Variants in FAM169A observed in about 807,000 individuals in gnomAD.
The protein encoded by FAM169A is family with sequence similarity 169 member A.
Under a neutral mutation model 75.7 loss-of-function variants are expected in FAM169A, and 24 were observed. That is an observed-to-expected ratio of 0.32 (90% confidence interval 0.23 to 0.45). FAM169A has a LOEUF of 0.45. FAM169A is among the 20% of genes least tolerant of loss of function. The pLI is 1.00. For missense variants in FAM169A, 673 were observed against 784.0 expected (o/e 0.86, Z 1.69); for synonymous variants, 271 against 271.0 (o/e 1.00, Z 0.00).
Position 74,800,967 on chromosome 5 carries a change from C to T in FAM169A, c.1016G>A (p.Gly339Glu), listed in dbSNP as rs1746541188. The T allele has an allele frequency of 6.4e-7, 1 of 1,561,686 alleles. No homozygotes were observed. Among genetic ancestry groups the T allele is most frequent in the Middle Eastern group, 1.7e-4 (1 of 5,908 alleles). ...AAATTCAGAATCCTGAAACCGCTTT[C>T]CAATCTTTGGCCGCTTTAGATTACC... ...RSGNLKRPKI[G>E]KRFQDSEFSS... is the part of the protein sequence containing the mutation. The change falls in exon 10 of 13, where the codon GGA becomes GAA. Residue 339 changes from glycine to glutamate, a missense_variant. Transcript: ENST00000687041.
chr5:74,846,180 C>T (rs912912077), intron 1 of FAM169A, among the ~76,000 whole-genome samples: 1 of 152,150 alleles, frequency 6.6e-6, no homozygotes, highest in Non-Finnish European at 1.5e-5. Flanking sequence ...CTAGATGAGG[C>T]TCAAGGATTA....
intron 1 of FAM169A, among the ~76,000 whole-genome samples, chr5:74,857,571 GGAA>G (rs1749779551): frequency 1.1e-4 from 7 of 65,744 alleles, no homozygotes; most frequent in African/African-American, 4.4e-4. Context: ...CCTTGCCGCG[GGAA>G]AAAAAAAAAA....
At chr5:74,811,416 G>A (rs1359598464) in intron 6 of FAM169A, among the ~76,000 whole-genome samples, 2 of 152,116 alleles carry the variant, frequency 1.3e-5, no homozygotes, top group African/African-American at 2.4e-5. Context: ...GTAATTAGGG[G>A]GTAATGCATT....
At chr5:74,818,701 T>C (rs1046889920) in intron 5 of FAM169A, among the ~76,000 whole-genome samples, 3 of 150,488 alleles carry the variant, frequency 2.0e-5, no homozygotes, top group Non-Finnish European at 4.4e-5. Flanking sequence ...GAGAGAGGAA[T>C]AGATTACAAA....
At chr5:74,837,798 A>G (rs539189796) in intron 4 of FAM169A, among the ~76,000 whole-genome samples, 2 of 152,160 alleles carry the variant, frequency 1.3e-5, no homozygotes, top group Non-Finnish European at 2.9e-5. Flanking sequence ...AAGAATATCA[A>G]GACACATATA....
chr5:74,839,934 A>C (rs1748769677), intron 3 of FAM169A, 140 bp downstream of exon 3: 2 of 550,100 alleles, frequency 3.6e-6, no homozygotes, highest in Non-Finnish European at 6.5e-6. Flanking sequence ...ATAAGCAATT[A>C]AGAATTACAT....
intron 1 of FAM169A, among the ~76,000 whole-genome samples, chr5:74,850,258 T>A (rs1749372157): frequency 6.6e-6 from 1 of 152,208 alleles, no homozygotes; most frequent in Admixed American, 6.5e-5. Flanking sequence ...AACCCGGCAG[T>A]CGGACTCCGA....
chr5:74,831,633 T>A (rs1748314070), intron 5 of FAM169A, among the ~76,000 whole-genome samples: 1 of 152,166 alleles, frequency 6.6e-6, no homozygotes, highest in Non-Finnish European at 1.5e-5. Flanking sequence ...GAGGGTCTTG[T>A]TGGCGCTCAG....
intron 5 of FAM169A, among the ~76,000 whole-genome samples, chr5:74,826,087 T>G (rs1015931859): frequency 7.2e-5 from 11 of 152,210 alleles, no homozygotes; most frequent in Non-Finnish European, 1.5e-4. Flanking sequence ...AGGTTTGTTT[T>G]TTGTTGTTTC....
chr5:74,824,646 G>C (rs1747924841), intron 5 of FAM169A, among the ~76,000 whole-genome samples: 1 of 148,766 alleles, frequency 6.7e-6, no homozygotes, highest in Admixed American at 6.7e-5. Flanking sequence ...GAATACAATA[G>C]TCATATAAGA....
chr5:74,785,133 A>G (rs1745630299), intron 11 of FAM169A, among the ~76,000 whole-genome samples: 1 of 151,880 alleles, frequency 6.6e-6, no homozygotes, highest in African/African-American at 2.4e-5. Flanking sequence ...AGCCTGGCCA[A>G]GATGGTGAAA....
chr5:74,785,193 C>T (rs1356066610), intron 11 of FAM169A, among the ~76,000 whole-genome samples: 6 of 151,986 alleles, frequency 3.9e-5, no homozygotes, highest in African/African-American at 1.2e-4. Context: ...GTGGCAGGCG[C>T]CTGTAATCCC....
At chr5:74,815,030 A>G (rs1315854371) in intron 5 of FAM169A, among the ~76,000 whole-genome samples, 3 of 152,214 alleles carry the variant, frequency 2.0e-5, no homozygotes, top group Admixed American at 6.5e-5. Context: ...GCTGATCAAT[A>G]TAACAACTTT....
At chr5:74,800,010 T>A in intron 10 of FAM169A, 1 of 782,246 alleles carries the variant, frequency 1.3e-6, no homozygotes, top group Non-Finnish European at 2.3e-6. Flanking sequence ...TGAGAAAGAT[T>A]GTCGCAAATA....
intron 6 of FAM169A, among the ~76,000 whole-genome samples, chr5:74,810,073 A>T (rs1747096527): frequency 6.6e-6 from 1 of 152,206 alleles, no homozygotes; most frequent in Non-Finnish European, 1.5e-5. Flanking sequence ...AAAAAACCCA[A>T]ATGTCTATCA....
intron 1 of FAM169A, among the ~76,000 whole-genome samples, chr5:74,850,839 A>C (rs1018742844): frequency 3.9e-5 from 6 of 152,250 alleles, no homozygotes; most frequent in African/African-American, 1.4e-4. Context: ...AAAGGTCATG[A>C]ATAGAAAATT....
At chr5:74,817,552 C>A (rs1249237344) in intron 5 of FAM169A, among the ~76,000 whole-genome samples, 1 of 152,114 alleles carries the variant, frequency 6.6e-6, no homozygotes, top group Non-Finnish European at 1.5e-5. Context: ...AATGGAAAGA[C>A]ATCTCATGTT....
chr5:74,801,147 A>T, intron 9 of FAM169A, 117 bp from the exon 10 acceptor site: 1 of 671,434 alleles, frequency 1.5e-6, no homozygotes, highest in South Asian at 3.6e-5. Flanking sequence ...CACATTACAC[A>T]GGTTCACCCT....
chr5:74,801,743 TTTG>T (rs1746591451), intron 8 of FAM169A, 114 bp from the exon 9 acceptor site: 2 of 755,748 alleles, frequency 2.6e-6, no homozygotes, highest in Non-Finnish European at 4.5e-6. Context: ...AATAGCACTT[TTTG>T]TTAACAACAT....
Sources: allele counts gnomAD v4.1 joint callset (sites outside exome capture counted in the v4.1 genomes callset), GRCh38; gene constraint gnomAD v4.1.1; transcripts MANE v1.5; gene names NCBI Gene and HGNC (gene_info 2026-07-23, HGNC 2026-07-21).